The following PDE11A variants were observed in gnomAD, a reference collection of about 807,000 sequenced individuals.
The protein encoded by PDE11A is phosphodiesterase 11A, also known as dual 3',5'-cyclic-AMP and -GMP phosphodiesterase 11A.
A neutral mutation model predicts 100.5 loss-of-function variants in PDE11A; 100 were observed. The ratio of observed to expected loss-of-function variants is 1.00; its 90% CI spans 0.85 to 1.18. The LOEUF (loss-of-function observed/expected upper bound fraction) is 1.18, where lower values mean the gene tolerates loss of function less well. Among genes scored for constraint, PDE11A ranks in the 50% most tolerant of loss-of-function variants. The pLI is 0.00. For synonymous variants in PDE11A, 381 were observed against 420.8 expected, an observed-to-expected ratio of 0.91 and a Z score of 1.16; for missense variants, 1,141 against 1,152.6, an observed-to-expected ratio of 0.99 and a Z score of 0.15.
At chr2:177,833,632 T>C (rs919087350) in intron 6 of PDE11A, among the ~76,000 whole-genome samples, 4 of 152,336 alleles carry the variant, frequency 2.6e-5, no homozygotes, top group Admixed American at 2.0e-4. Flanking sequence ...ATATTTCTAT[T>C]TACTGAAAGT....
intron 18 of PDE11A, among the ~76,000 whole-genome samples, chr2:177,667,502 ACATTATCTTGG>A (rs2080607356): frequency 6.6e-6 from 1 of 152,134 alleles, no homozygotes; most frequent in Non-Finnish European, 1.5e-5. Flanking sequence ...TGTTGAAAAG[ACATTATCTTGG>A]CACCCATGCT....
chr2:177,671,884 T>C (rs1365624116), intron 17 of PDE11A, among the ~76,000 whole-genome samples: 2 of 152,176 alleles, frequency 1.3e-5, no homozygotes, highest in African/African-American at 4.8e-5. Flanking sequence ...TCCTGTTCCC[T>C]GGGGCTACTG....
At chr2:177,683,896 C>T (rs777694765) in intron 15 of PDE11A, among the ~76,000 whole-genome samples, 1 of 152,148 alleles carries the variant, frequency 6.6e-6, no homozygotes, top group Non-Finnish European at 1.5e-5. Flanking sequence ...AGTAATTTCA[C>T]ATTGCTGAGC....
At chr2:177,918,614 T>C (rs1266078194) in intron 2 of PDE11A, among the ~76,000 whole-genome samples, 1 of 152,066 alleles carries the variant, frequency 6.6e-6, no homozygotes, top group African/African-American at 2.4e-5. Flanking sequence ...GAAAATATAC[T>C]AAAACAGAAG....
At chr2:177,910,414 C>G (rs1298443166) in intron 2 of PDE11A, among the ~76,000 whole-genome samples, 1 of 15,274 alleles carries the variant, frequency 6.5e-5, no homozygotes, top group Non-Finnish European at 1.8e-4. Flanking sequence ...CTCTCTCTGT[C>G]TCTCTCTCTC....
intron 2 of PDE11A, among the ~76,000 whole-genome samples, chr2:177,985,658 A>G (rs554954409): frequency 6.6e-6 from 1 of 152,366 alleles, no homozygotes; most frequent in South Asian, 2.1e-4. Context: ...ATTTTCATCC[A>G]AACTTTGCAC....
At chr2:177,980,975 T>TACACACACAC (rs3073403) in intron 2 of PDE11A, among the ~76,000 whole-genome samples, 12 of 129,786 alleles carry the variant, frequency 9.2e-5, no homozygotes, top group Admixed American at 3.1e-4. Flanking sequence ...GAGAACTAGA[T>TACACACACAC]ACACACACAC....
chr2:177,945,284 G>C (rs1378297775), intron 2 of PDE11A, among the ~76,000 whole-genome samples: 1 of 140,678 alleles, frequency 7.1e-6, no homozygotes, highest in Non-Finnish European at 1.6e-5. Context: ...GCCGCCCATC[G>C]TCTGGGATGT....
rs145192241 is a variant in PDE11A, at chr2:177,981,039, C to T, written c.1071+33263G>A. 1.6e-3 allele frequency among the ~76,000 whole-genome samples: 240 copies of T among 147,472 alleles called. 3 individuals are homozygous for T. Among genetic ancestry groups the T allele is most frequent in the African/African-American group, 5.4e-3 (219 of 40,672 alleles). On this transcript the variant is annotated intron_variant, in intron 2 of 19. Coordinates refer to ENST00000286063, the MANE Select transcript of PDE11A (RefSeq NM_016953.4). ...ACACACAGCAGAAGGTAGAGTTAAACCAATCTCAGTTAAAATCCCAGCTCC... is the reference window on the plus strand; with the variant it reads ...ACACACAGCAGAAGGTAGAGTTAAATCAATCTCAGTTAAAATCCCAGCTCC...
intron 2 of PDE11A, among the ~76,000 whole-genome samples, chr2:178,100,303 AAC>A (rs2087546742): frequency 6.6e-6 from 1 of 152,218 alleles, no homozygotes; most frequent in Non-Finnish European, 1.5e-5. Flanking sequence ...AGTTTTGTAA[AAC>A]TATATTCTAT....
intron 13 of PDE11A, 41 bp downstream of exon 13, chr2:177,711,728 A>G (rs1559155222): frequency 9.1e-7 from 1 of 1,101,140 alleles, no homozygotes; most frequent in Non-Finnish European, 1.4e-6. Flanking sequence ...TCTGAACAGA[A>G]AGGCAAATGC....
At chr2:177,936,312 C>CAA (rs2085271431) in intron 2 of PDE11A, among the ~76,000 whole-genome samples, 1 of 152,146 alleles carries the variant, frequency 6.6e-6, no homozygotes, top group Non-Finnish European at 1.5e-5. Flanking sequence ...ATTTGTGTGA[C>CAA]AATGTCAGAA....
chr2:177,898,494 T>G (rs2084647770), intron 3 of PDE11A, among the ~76,000 whole-genome samples: 2 of 152,306 alleles, frequency 1.3e-5, no homozygotes, highest in Non-Finnish European at 2.9e-5. Flanking sequence ...AGGATGCTGA[T>G]TATAGGGGTC....
intron 18 of PDE11A, among the ~76,000 whole-genome samples, chr2:177,666,455 CT>C (rs1178688492): frequency 6.6e-6 from 1 of 152,186 alleles, no homozygotes; most frequent in Non-Finnish European, 1.5e-5. Flanking sequence ...CTCTGTTTAA[CT>C]TTTTGAGGAA....
At chr2:177,811,990 T>G (rs1442107602) in intron 9 of PDE11A, among the ~76,000 whole-genome samples, 1 of 152,180 alleles carries the variant, frequency 6.6e-6, no homozygotes, top group East Asian at 1.9e-4. Flanking sequence ...CCAGTCAGCA[T>G]AGTCTTACAA....
At chr2:178,095,414 A>G (rs577506920) in intron 2 of PDE11A, among the ~76,000 whole-genome samples, 1 of 152,342 alleles carries the variant, frequency 6.6e-6, no homozygotes, top group Admixed American at 6.5e-5. Flanking sequence ...ACGCTGATGC[A>G]AGAGGTGGGT....
intron 18 of PDE11A, 24 bp downstream of exon 18, chr2:177,669,469 G>A (rs758828546): frequency 2.3e-5 from 22 of 937,784 alleles, no homozygotes; most frequent in Admixed American, 6.8e-5. Flanking sequence ...GGGTAAATAC[G>A]TTATAATTAA....
At chr2:177,675,857 T>A (rs1203159272) in intron 16 of PDE11A, 7 of 400,248 alleles carry the variant, frequency 1.7e-5, no homozygotes, top group East Asian at 1.3e-4. Context: ...TGGGTTTTTT[T>A]AAACTATAAG....
chr2:177,997,123 G>A (rs185533540), intron 2 of PDE11A: 97 of 882,398 alleles, frequency 1.1e-4, no homozygotes, highest in African/African-American at 8.3e-5. Flanking sequence ...GGACACCCCC[G>A]GAAATCCAAT....
Sources: allele counts gnomAD v4.1 joint callset (sites outside exome capture counted in the v4.1 genomes callset), GRCh38; gene constraint gnomAD v4.1.1; transcripts MANE v1.5; gene names NCBI Gene and HGNC (gene_info 2026-07-23, HGNC 2026-07-21).